Variants in NME4 observed in about 807,000 individuals in gnomAD.
NME4 encodes the protein NME/NM23 nucleoside diphosphate kinase 4, also known as nucleoside diphosphate kinase D, mitochondrial.
A neutral mutation model predicts 16.4 loss-of-function variants in NME4; 21 were observed. The ratio of observed to expected loss-of-function variants is 1.28; its 90% CI spans 0.91 to 1.84. The LOEUF is 1.84. NME4 is among the 40% of genes most tolerant of loss of function. The pLI is 0.00. For missense variants in NME4, 316 were observed against 261.3 expected, an observed-to-expected ratio of 1.21 and a Z score of -1.44; for synonymous variants, 132 against 107.5, an observed-to-expected ratio of 1.23 and a Z score of -1.41.
At position 400,253 on chromosome 16, in the gene NME4, G is replaced by T. The variant is rs2054634484; in HGVS notation, c.475G>T (p.Ala159Ser). 1.2e-6 allele frequency: 2 copies of T among 1,604,166 alleles called. No homozygotes were observed. The highest frequency in any genetic ancestry group is 3.4e-5 in the Admixed American group (2 of 59,556). ...CCACGCCAGCGACTCCGTGGAGGGG[G>T]CCCAGCGGGAGATCCAGCTGTGGTT... The part of the protein sequence containing the change: ...VIHASDSVEG[A>S]QREIQLWFQS... The change falls in exon 5 of 5, where the codon GCC becomes TCC. Residue 159 changes from alanine (A) to serine (S), a missense_variant. Physicochemically the swap from Ala to Ser is moderately conservative, Grantham distance 99. Transcript: ENST00000219479.
At chr16:399,239 G>T in intron 2 of NME4, 116 bp downstream of exon 2, 1 of 1,470,260 alleles carries the variant, frequency 6.8e-7, no homozygotes, top group South Asian at 1.1e-5. Flanking sequence ...AGTTGAAGGG[G>T]CAGGAGGGAT....
intron 1 of NME4, chr16:398,450 T>G (rs2054594037): frequency 8.6e-7 from 1 of 1,168,350 alleles, no homozygotes; most frequent in Non-Finnish European, 1.1e-6. Flanking sequence ...GGGTGGGCTC[T>G]GGGTTCTTCC....
chr16:400,445 C>G lies in NME4; in HGVS notation c.*103C>G. 1 of 1,435,546 alleles carries G rather than the reference C, an allele frequency of 7.0e-7. No homozygotes were observed. Among genetic ancestry groups the G allele is most frequent in the Non-Finnish European group, 9.3e-7 (1 of 1,075,682 alleles). The allele number at this position is 1,435,546 out of a possible 1,614,324, so 88.9% of individuals were successfully genotyped here. A position where few individuals can be genotyped will look rare whatever the true frequency, so the allele number is the denominator to read the frequency against. On this transcript the variant is annotated 3_prime_UTR_variant, in exon 5 of 5. Coordinates refer to ENST00000219479, the MANE Select transcript of NME4 (RefSeq NM_005009.3). ...AAACCTGCCTGTCCCAAACCACTTA[C>G]TTCCCTGTTCACCTCTGCCCCACCC... is the stretch of plus-strand genomic sequence containing the variant.
chr16:398,668 A>G, intron 1 of NME4: 1 of 445,610 alleles, frequency 2.2e-6, no homozygotes, highest in Non-Finnish European at 4.1e-6. Context: ...GCCTCTATGG[A>G]CCTTGCGGTG....
At chr16:398,592 C>T in intron 1 of NME4, 1 of 411,466 alleles carries the variant, frequency 2.4e-6, no homozygotes, top group Non-Finnish European at 4.3e-6. Context: ...CCTCTGTGGA[C>T]CTCAGGGTGG....
In NME4 at chr16:399,032, A is replaced by G; in HGVS notation, c.134A>G (p.Lys45Arg). Residue 45 changes from lysine to arginine, a missense_variant, in exon 2 of 5, where the codon AAG becomes AGG. Coordinates refer to ENST00000219479, the MANE Select transcript of NME4 (RefSeq NM_005009.3). ...CGGGAGCGGACCCTGGTGGCGGTGA[A>G]GCCCGATGGCGTGCAACGGCGGCTC... is the stretch of plus-strand genomic sequence containing the variant. Reference protein sequence around the residue: ...WTRERTLVAVKPDGVQRRLVG... With the variant: ...WTRERTLVAVRPDGVQRRLVG... 1.9e-6 allele frequency: 3 copies of G among 1,609,480 alleles called. No individual in the cohort carries two copies. Among genetic ancestry groups the G allele is most frequent in the Non-Finnish European group, 2.5e-6 (3 of 1,179,810 alleles).
chr16:400,068 C>T (rs752090101), intron 4 of NME4, 151 bp from the exon 5 acceptor site: 1 of 1,210,650 alleles, frequency 8.3e-7, no homozygotes, highest in East Asian at 2.4e-5. Context: ...AGGCTGGAAC[C>T]CGGTTTCCCA....
chr16:397,743 G>A, intron 1 of NME4: 2 of 1,329,928 alleles, frequency 1.5e-6, no homozygotes, highest in Non-Finnish European at 2.0e-6. Context: ...TGGGGGTGGG[G>A]GGAGCCGCTC....
Position 400,520 on chromosome 16 carries a change from A to T in NME4, c.*178A>T. The T allele has an allele frequency of 1.5e-6, 1 of 665,080 alleles. No homozygotes were observed. Among genetic ancestry groups the T allele is most frequent in the Non-Finnish European group, 2.4e-6 (1 of 417,842 alleles). The allele number at this position is 665,080 out of a possible 1,614,324, so 41.2% of individuals were successfully genotyped here. A position where few individuals can be genotyped will look rare whatever the true frequency, so the allele number is the denominator to read the frequency against. ...AACTTCAGTGCCTTTCTGTACCCCAAGCCAGCACAAGATTGGACCAATCCT... is the reference window on the plus strand; with the variant it reads ...AACTTCAGTGCCTTTCTGTACCCCATGCCAGCACAAGATTGGACCAATCCT... On this transcript the variant is annotated 3_prime_UTR_variant, in exon 5 of 5. Transcript: ENST00000219479.
Position 400,094 on chromosome 16 carries a change from C to T in NME4, c.441-125C>T, listed in dbSNP as rs758258969. Reference sequence around the variant, plus strand: ...CGGTTTCCCAGCTCCACTGTTACTCCTTCCCTGTCTGCAGTCACAGGCTTG... The same window carrying T: ...CGGTTTCCCAGCTCCACTGTTACTCTTTCCCTGTCTGCAGTCACAGGCTTG... On this transcript the variant is annotated intron_variant, in intron 4 of 4. Coordinates refer to ENST00000219479, the MANE Select transcript of NME4 (RefSeq NM_005009.3). 7 of 1,405,814 alleles carry T rather than the reference C, an allele frequency of 5.0e-6. No individual in the cohort carries two copies. The East Asian group carries it at 1.4e-4, about 28-fold the overall frequency. The allele number at this position is 1,405,814 out of a possible 1,614,324, so 87.1% of individuals were successfully genotyped here.
At position 398,242 on chromosome 16, in the gene NME4, T is replaced by A. The variant is rs1199278036; in HGVS notation, c.92-748T>A. 4 of 1,421,206 alleles carry A rather than the reference T, an allele frequency of 2.8e-6. No homozygotes were observed. The Admixed American group carries it at 8.5e-5, about 30-fold the overall frequency. 88.0% of individuals were successfully genotyped at this position (1,421,206 alleles called of 1,614,324 possible). On this transcript the variant is annotated intron_variant, in intron 1 of 4. Coordinates refer to ENST00000219479, the MANE Select transcript of NME4 (RefSeq NM_005009.3). The stretch of plus-strand genomic sequence containing the variant: ...CAGAGGAGGACGGCTGGGGCGGAGC[T>A]CAGCGCTGACCCTGGGTCTGGAAGC...
In NME4 at chr16:400,309, CG is replaced by C; in HGVS notation, c.536del (p.Gly179AlafsTer97). ...QSSELVSWAD[G>X]GQHSSIHPA ...GCAGTGAGCTGGTGAGCTGGGCAGA[CG>C]GGGGCCAGCACAGCAGCATCCACCC... On this transcript the variant is annotated frameshift_variant, in exon 5 of 5. Transcript: ENST00000219479. LOFTEE classifies it high-confidence loss of function. 2 of 1,604,592 alleles carry C rather than the reference CG, an allele frequency of 1.2e-6. No homozygotes were observed. Among genetic ancestry groups the C allele is most frequent in the Non-Finnish European group, 8.5e-7 (1 of 1,177,078 alleles).
At chr16:399,864 G>C in intron 4 of NME4, 125 bp downstream of exon 4, 1 of 760,782 alleles carries the variant, frequency 1.3e-6, no homozygotes, top group South Asian at 1.6e-5. Flanking sequence ...GGACATGACA[G>C]CTCACACTGG....
Position 399,114 on chromosome 16 carries a change from G to T in NME4, c.216G>T (p.Lys72Asn). The T allele has an allele frequency of 1.3e-6, 2 of 1,594,834 alleles. No homozygotes were observed. The highest frequency in any genetic ancestry group is 1.7e-6 in the Non-Finnish European group (2 of 1,174,336). The change falls in exon 2 of 5, where the codon AAG becomes AAT. Residue 72 changes from lysine (K) to asparagine (N), a missense_variant. By Grantham distance (94) the Lys-to-Asn change is moderately conservative. Transcript: ENST00000219479. ...ERRGFTLVGM[K>N]MLQAPESVLA... ...GGGGCTTCACGCTGGTGGGGATGAA[G>T]ATGCTGCAGGTAGTGGGACTCTGGG...
In NME4 at chr16:399,382, C is replaced by G. The variant is rs1247562749; in HGVS notation, c.229C>G (p.Pro77Ala). The change falls in exon 3 of 5, where the codon CCA becomes GCA. Residue 77 changes from proline (P) to alanine (A), a missense_variant. Pro to Ala is a conservative substitution (Grantham distance 27). Transcript: ENST00000219479. ...TLVGMKMLQA[P>A]ESVLAEHYQD... is the part of the protein sequence containing the mutation. ...TCCTTACCTCAATGCCACCCAGGCA[C>G]CAGAGAGCGTCCTTGCCGAGCACTA... The G allele has an allele frequency of 1.9e-6, 3 of 1,612,906 alleles. No individual in the cohort carries two copies. The highest frequency in any genetic ancestry group is 2.5e-6 in the Non-Finnish European group (3 of 1,179,932).
intron 2 of NME4, 28 bp downstream of exon 2, chr16:399,151 C>T: frequency 1.3e-6 from 2 of 1,598,980 alleles, no homozygotes; most frequent in African/African-American, 1.3e-5. Context: ...TTGTGGGTGT[C>T]CCTGTGGGGA....
intron 1 of NME4, chr16:398,349 C>G (rs946370990): frequency 5.4e-6 from 7 of 1,287,942 alleles, no homozygotes; most frequent in Non-Finnish European, 7.1e-6. Flanking sequence ...CTTCAATCTT[C>G]AGGCCCCTTT....
intron 1 of NME4, among the ~76,000 whole-genome samples, chr16:397,521 C>G (rs2054567687): frequency 7.5e-6 from 1 of 133,432 alleles, no homozygotes; most frequent in Non-Finnish European, 1.6e-5. Flanking sequence ...CTCCTTCTCG[C>G]CTCCCCAGGC....
intron 4 of NME4, 61 bp downstream of exon 4, chr16:399,800 G>A: frequency 7.1e-7 from 1 of 1,404,244 alleles, no homozygotes; most frequent in Non-Finnish European, 1.0e-6. Flanking sequence ...CACTTGGGGT[G>A]GTGGCAGATC....
Sources: gnomAD v4.1 joint callset for allele counts (sites outside exome capture counted in the v4.1 genomes callset) on GRCh38, gnomAD v4.1.1 for gene constraint, MANE v1.5 for transcripts, NCBI Gene and HGNC (gene_info 2026-07-23, HGNC 2026-07-21) for gene names.